Variants in RNF125 observed in about 807,000 individuals in gnomAD.
The protein encoded by RNF125 is ring finger protein 125.
In RNF125, 21 loss-of-function variants were observed where a neutral mutation model predicts 26.0. That is an observed-to-expected ratio of 0.81 (90% CI 0.57 to 1.16). The LOEUF (loss-of-function observed/expected upper bound fraction) is 1.16. RNF125 is among the 50% of genes most tolerant of loss of function. RNF125 has a pLI of 0.00. For synonymous variants in RNF125, 95 were observed against 109.2 expected (o/e 0.87, Z 0.81); for missense variants, 270 against 299.4 (o/e 0.90, Z 0.72).
intron 4 of RNF125, among the ~76,000 whole-genome samples, chr18:32,050,864 GC>G (rs1568202864): frequency 4.2e-5 from 3 of 71,262 alleles, no homozygotes; most frequent in African/African-American, 1.2e-4. Context: ...GGTCTAGAGT[GC>G]TTTTTTTTTT....
chr18:32,086,646 A>G, the RNF125 span, among the ~76,000 whole-genome samples: 1 of 151,602 alleles, frequency 6.6e-6, no homozygotes, highest in African/African-American at 2.4e-5. Flanking sequence ...TCAGCCTCCT[A>G]AGTAGCTGGG....
At chr18:32,059,247 G>A (rs2039413871) in intron 4 of RNF125, among the ~76,000 whole-genome samples, 1 of 152,154 alleles carries the variant, frequency 6.6e-6, no homozygotes, top group Admixed American at 6.6e-5. Flanking sequence ...ACCCGTGTAT[G>A]AAGTTTCCCT....
the RNF125 span, among the ~76,000 whole-genome samples, chr18:32,086,349 ATTTGTGTT>A: frequency 8.4e-6 from 1 of 118,480 alleles, no homozygotes; most frequent in Admixed American, 1.0e-4. Context: ...GCACCTAGAT[ATTTGTGTT>A]TTTTTTTTTT....
intron 1 of RNF125, among the ~76,000 whole-genome samples, chr18:32,022,101 G>T: frequency 6.6e-6 from 1 of 152,182 alleles, no homozygotes; most frequent in East Asian, 1.9e-4. Flanking sequence ...CTTTTCCATT[G>T]AAATTAAGTT....
chr18:32,086,901 C>T, the RNF125 span, among the ~76,000 whole-genome samples: 2 of 152,102 alleles, frequency 1.3e-5, no homozygotes, highest in Non-Finnish European at 2.9e-5. Flanking sequence ...ATCCTTGTAC[C>T]TCAGCCTCCC....
intron 4 of RNF125, among the ~76,000 whole-genome samples, chr18:32,059,353 T>C (rs1299888862): frequency 6.6e-6 from 1 of 152,242 alleles, no homozygotes; most frequent in Non-Finnish European, 1.5e-5. Flanking sequence ...AGTTTTGATT[T>C]GCATTTCTCT....
At position 32,071,392 on chromosome 18, in the gene RNF125, C is replaced by A. The variant is rs2039532840; in HGVS notation, c.*3008C>A. The A allele has an allele frequency of 6.6e-6, 1 of 152,038 alleles. No homozygotes were observed. The highest frequency in any genetic ancestry group is 1.5e-5 in the Non-Finnish European group (1 of 68,050). The allele number at this position is 152,038 out of a possible 1,614,324, so 9.4% of individuals were successfully genotyped here. On this transcript the variant is annotated 3_prime_UTR_variant, in exon 6 of 6. Coordinates refer to ENST00000217740, the MANE Select transcript of RNF125 (RefSeq NM_017831.4). ...CAAGTGATCCACCTGTGTTGGCCTCCTAAAGTACTGGGATTACAGGTGTGT... is the reference window on the plus strand; with the variant it reads ...CAAGTGATCCACCTGTGTTGGCCTCATAAAGTACTGGGATTACAGGTGTGT...
In RNF125 at chr18:32,068,558, T is replaced by A; in HGVS notation, c.*174T>A. 1 of 512,108 alleles carries A rather than the reference T, an allele frequency of 2.0e-6. No individual in the cohort carries two copies. 31.7% of individuals were successfully genotyped at this position (512,108 alleles called of 1,614,324 possible). Reference sequence around the variant, plus strand: ...AAAAACTGCTTTAATTTTAATGGTTTAAATCTGTTTTACATCCTTGAGATT... The same window carrying A: ...AAAAACTGCTTTAATTTTAATGGTTAAAATCTGTTTTACATCCTTGAGATT... On this transcript the variant is annotated 3_prime_UTR_variant, in exon 6 of 6. Transcript: ENST00000217740.
intron 3 of RNF125, among the ~76,000 whole-genome samples, chr18:32,043,285 T>A (rs141278723): frequency 6.6e-6 from 1 of 152,266 alleles, no homozygotes; most frequent in African/African-American, 2.4e-5. Context: ...CAAAGATTGA[T>A]GGCTTTCCAG....
In RNF125 at chr18:32,042,248, C is replaced by G; in HGVS notation, c.388C>G (p.Gln130Glu). ...GTACATAGATAAGTATGGACCACTA[C>G]AAGAACTTGAGGAGACAGCAGCAAG... ...QKYIDKYGPL[Q>E]ELEETAARCV... The change falls in exon 3 of 6, where the codon CAA (glutamine) becomes GAA (glutamate). Residue 130 changes from glutamine (Q) to glutamate (E), a missense_variant. Transcript: ENST00000217740. The G allele has an allele frequency of 6.2e-7, 1 of 1,612,722 alleles. No individual in the cohort carries two copies. Among genetic ancestry groups the G allele is most frequent in the African/African-American group, 1.3e-5 (1 of 74,988 alleles).
At chr18:32,046,490 A>T (rs1008301094) in intron 4 of RNF125, among the ~76,000 whole-genome samples, 1 of 149,110 alleles carries the variant, frequency 6.7e-6, no homozygotes, top group African/African-American at 2.5e-5. Context: ...CCAGCTACTC[A>T]GGAGGCTGAG....
intron 1 of RNF125, among the ~76,000 whole-genome samples, chr18:32,029,551 G>A (rs866565119): frequency 4.6e-5 from 7 of 151,862 alleles, no homozygotes; most frequent in Non-Finnish European, 7.4e-5. Flanking sequence ...ACTTGAGCTC[G>A]GGAGGCTGCT....
intron 3 of RNF125, among the ~76,000 whole-genome samples, chr18:32,043,450 C>T (rs2039239114): frequency 6.6e-6 from 1 of 152,206 alleles, no homozygotes; most frequent in African/African-American, 2.4e-5. Context: ...TCACCTCATT[C>T]TTTTTGTTTT....
intron 2 of RNF125, among the ~76,000 whole-genome samples, chr18:32,037,963 T>C (rs1598813732): frequency 6.6e-6 from 1 of 151,188 alleles, no homozygotes; most frequent in South Asian, 2.1e-4. Flanking sequence ...CCGGCTTGGG[T>C]CCCCTTCCAT....
chr18:32,041,471 A>C (rs2039216028), intron 2 of RNF125, among the ~76,000 whole-genome samples: 1 of 151,340 alleles, frequency 6.6e-6, no homozygotes, highest in Admixed American at 6.6e-5. Context: ...CTCTTTTTCC[A>C]TCTTAGATTG....
At chr18:32,053,637 AAT>A (rs1006485903) in intron 4 of RNF125, among the ~76,000 whole-genome samples, 1 of 147,118 alleles carries the variant, frequency 6.8e-6, no homozygotes, top group African/African-American at 2.7e-5. Flanking sequence ...AATTTTTAAA[AAT>A]TAGCCAGGCA....
At chr18:32,064,458 A>G (rs2039466350) in intron 4 of RNF125, among the ~76,000 whole-genome samples, 1 of 114,404 alleles carries the variant, frequency 8.7e-6, no homozygotes, top group African/African-American at 3.5e-5. Flanking sequence ...AGTAGCTGGG[A>G]TTACAGGTGC....
chr18:32,074,631 C>T (rs2039557427), downstream of RNF125, among the ~76,000 whole-genome samples: 1 of 152,162 alleles, frequency 6.6e-6, no homozygotes, highest in Non-Finnish European at 1.5e-5. Context: ...CAACCTCCAC[C>T]TCCCAGGTTC....
chr18:32,036,511 A>G (rs891395559), intron 1 of RNF125, among the ~76,000 whole-genome samples: 1 of 151,002 alleles, frequency 6.6e-6, no homozygotes, highest in Non-Finnish European at 1.5e-5. Context: ...TTAAGATTTC[A>G]TAATGAGCAC....
Sources: allele counts gnomAD v4.1 joint callset (sites outside exome capture counted in the v4.1 genomes callset), GRCh38; gene constraint gnomAD v4.1.1; transcripts MANE v1.5; gene names NCBI Gene and HGNC (gene_info 2026-07-23, HGNC 2026-07-21).